AREL1: variants seen among roughly 807,000 people sequenced by gnomAD.
AREL1 encodes the protein apoptosis-resistant E3 ubiquitin protein ligase 1.
A neutral mutation model predicts 99.0 loss-of-function variants in AREL1; 62 were observed. The observed-to-expected ratio is 0.63, with a 90% CI of 0.51 to 0.77. The LOEUF (loss-of-function observed/expected upper bound fraction) is 0.77, where lower values mean the gene tolerates loss of function less well. AREL1 is among the 30% of genes least tolerant of loss of function. The pLI, the probability that AREL1 is intolerant of heterozygous loss-of-function variation, is 0.00. For missense variants in AREL1, 879 were observed against 1,027.6 expected (o/e 0.86, Z 1.98); for synonymous variants, 380 against 376.5 (o/e 1.01, Z -0.11).
At chr14:74,677,500 C>CTT (rs58383006) in intron 5 of AREL1, among the ~76,000 whole-genome samples, 201 of 63,140 alleles carry the variant, frequency 3.2e-3, no homozygotes, top group East Asian at 5.0e-3. Context: ...TGTCTCTCTC[C>CTT]TTTTTTTTTT....
chr14:74,693,951 C>CG (rs2089931950), intron 1 of AREL1, among the ~76,000 whole-genome samples: 1 of 152,130 alleles, frequency 6.6e-6, no homozygotes, highest in Non-Finnish European at 1.5e-5. Context: ...CCAAGGCAGG[C>CG]GGATCACTTG....
intron 8 of AREL1, among the ~76,000 whole-genome samples, chr14:74,674,858 A>C (rs2089435861): frequency 6.6e-6 from 1 of 152,190 alleles, no homozygotes; most frequent in African/African-American, 2.4e-5. Context: ...AATGGTGCCA[A>C]GGATCTGCCA....
intron 1 of AREL1, among the ~76,000 whole-genome samples, chr14:74,707,536 C>T (rs978101066): frequency 1.8e-4 from 28 of 152,110 alleles, no homozygotes; most frequent in Non-Finnish European, 3.5e-4. Flanking sequence ...TGGCTCACAC[C>T]TGTAATCCCA....
intron 5 of AREL1, among the ~76,000 whole-genome samples, chr14:74,680,312 T>C (rs1456473210): frequency 6.6e-6 from 1 of 152,186 alleles, no homozygotes; most frequent in Non-Finnish European, 1.5e-5. Flanking sequence ...AGATGTTCAA[T>C]AGCATTAACT....
chr14:74,702,167 C>T (rs1452780627), intron 1 of AREL1, among the ~76,000 whole-genome samples: 1 of 152,212 alleles, frequency 6.6e-6, no homozygotes. Flanking sequence ...TCTCACAGCT[C>T]CACTAGACAG....
intron 6 of AREL1, 119 bp from the exon 7 acceptor site, chr14:74,676,440 G>T: frequency 7.0e-7 from 1 of 1,423,522 alleles, no homozygotes; most frequent in South Asian, 1.4e-5. Flanking sequence ...AATTACTAAT[G>T]AGACAGGTAT....
At position 74,674,062 on chromosome 14, in the gene AREL1, T is replaced by C; in HGVS notation, c.1130A>G (p.Tyr377Cys). The C allele has an allele frequency of 6.2e-7, 1 of 1,613,770 alleles. No individual in the cohort carries two copies. Among genetic ancestry groups the C allele is most frequent in the African/African-American group, 1.3e-5 (1 of 75,004 alleles). ...TGTTCCTGGACACACTCGGAAGGTG[T>C]AAAGGCGCCAGGGGATGATCTTCAG... ...FYLKIIPWRL[Y>C]TFRVCPGTKF... The change falls in exon 9 of 20, where the codon TAC becomes TGC. Residue 377 changes from tyrosine to cysteine, a missense_variant. Transcript: ENST00000356357.
At chr14:74,704,036 G>T (rs1226028329) in intron 1 of AREL1, among the ~76,000 whole-genome samples, 1 of 152,008 alleles carries the variant, frequency 6.6e-6, no homozygotes, top group East Asian at 1.9e-4. Context: ...GGTGTGAAGT[G>T]GTATCTCACT....
In AREL1 at chr14:74,684,505, C is replaced by A. The variant is rs2089703843; in HGVS notation, c.192G>T (p.Trp64Cys). The A allele has an allele frequency of 6.2e-7, 1 of 1,614,124 alleles. No homozygotes were observed. The highest frequency in any genetic ancestry group is 1.3e-5 in the African/African-American group (1 of 75,008). Residue 64 changes from tryptophan (W) to cysteine (C), a missense_variant, in exon 4 of 20, where the codon TGG (tryptophan) becomes TGT (cysteine). By Grantham distance (215) the Trp-to-Cys change is radical. Coordinates refer to ENST00000356357, the MANE Select transcript of AREL1 (RefSeq NM_001039479.2). ...YLDPRSCKVS[W>C]DWKDPYEVGH... The stretch of plus-strand genomic sequence containing the variant: ...CCACCTCATAGGGGTCCTTCCAATC[C>A]CAGGAGACTTTGCAAGACCGGGGAT...
intron 1 of AREL1, among the ~76,000 whole-genome samples, chr14:74,711,357 T>C (rs143563102): frequency 1.3e-5 from 2 of 151,430 alleles, no homozygotes; most frequent in Non-Finnish European, 2.9e-5. Flanking sequence ...CTTGCCAACA[T>C]GGTGAAACCC....
At chr14:74,707,417 C>T (rs1227481940) in intron 1 of AREL1, among the ~76,000 whole-genome samples, 1 of 151,598 alleles carries the variant, frequency 6.6e-6, no homozygotes, top group African/African-American at 2.4e-5. Context: ...AATCCCAGCA[C>T]TTTGGGAGGC....
chr14:74,668,180 T>C (rs967193727), intron 15 of AREL1, among the ~76,000 whole-genome samples: 3 of 152,356 alleles, frequency 2.0e-5, no homozygotes, highest in African/African-American at 7.2e-5. Context: ...GGCCTGAACT[T>C]TCCTCTCTGC....
chr14:74,668,876 A>G lies in AREL1; in HGVS notation c.1914+773T>C, dbSNP rs78333727. Among the ~76,000 whole-genome samples, 1,117 of 152,236 alleles carry G rather than the reference A, an allele frequency of 7.3e-3. 13 individuals carry two copies. Among genetic ancestry groups the G allele is most frequent in the African/African-American group, 0.024 (1,015 of 41,550 alleles). Reference sequence around the variant, plus strand: ...TCTGGGCCATCATTTTCTAATAAAAAGTTTTGGTTTTATTATTTTGAGATA... The same window carrying G: ...TCTGGGCCATCATTTTCTAATAAAAGGTTTTGGTTTTATTATTTTGAGATA... On this transcript the variant is annotated intron_variant, in intron 15 of 19. Coordinates refer to ENST00000356357, the MANE Select transcript of AREL1 (RefSeq NM_001039479.2).
intron 1 of AREL1, among the ~76,000 whole-genome samples, chr14:74,694,124 G>A (rs1325905398): frequency 2.6e-5 from 4 of 152,194 alleles, no homozygotes; most frequent in Middle Eastern, 3.4e-3. Flanking sequence ...GACGTGAGCC[G>A]AGATCATGCC....
At chr14:74,675,613 CTG>C (rs1265684768) in intron 8 of AREL1, 84 bp downstream of exon 8, 1 of 1,517,014 alleles carries the variant, frequency 6.6e-7, no homozygotes, top group East Asian at 2.3e-5. Context: ...GATTCTCAGA[CTG>C]TTACTTTGTG....
At chr14:74,683,582 C>A (rs2089682787) in intron 4 of AREL1, 49 bp from the exon 5 acceptor site, 1 of 1,565,136 alleles carries the variant, frequency 6.4e-7, no homozygotes, top group South Asian at 1.1e-5. Flanking sequence ...AGGAAAAAAA[C>A]ATTTCCTGTG....
At position 74,661,759 on chromosome 14, in the gene AREL1, C is replaced by T; in HGVS notation, c.*1961G>A. 1 of 154,612 alleles carries T rather than the reference C, an allele frequency of 6.5e-6. No individual in the cohort carries two copies. Among genetic ancestry groups the T allele is most frequent in the Non-Finnish European group, 1.4e-5 (1 of 69,732 alleles). The allele number at this position is 154,612 out of a possible 1,614,324, so 9.6% of individuals were successfully genotyped here. ...AGGACCACCACAGGGATGCAGCTTCCCTGGTTGGGTTGCAATGGTGCCTAA... is the reference window on the plus strand; with the variant it reads ...AGGACCACCACAGGGATGCAGCTTCTCTGGTTGGGTTGCAATGGTGCCTAA... On this transcript the variant is annotated 3_prime_UTR_variant, in exon 20 of 20. Transcript: ENST00000356357.
intron 1 of AREL1, among the ~76,000 whole-genome samples, chr14:74,704,699 C>T (rs1000459722): frequency 5.3e-5 from 8 of 152,078 alleles, no homozygotes; most frequent in East Asian, 3.9e-4. Flanking sequence ...TTTTCTGTGG[C>T]TTGCCTCTTC....
chr14:74,666,718 ATTTTT>A (rs71449202), intron 17 of AREL1, among the ~76,000 whole-genome samples: 1 of 132,002 alleles, frequency 7.6e-6, no homozygotes, highest in Non-Finnish European at 1.6e-5. Flanking sequence ...CTACTCATTG[ATTTTT>A]TTTTTTTTTT....
Sources: allele counts gnomAD v4.1 joint callset (sites outside exome capture counted in the v4.1 genomes callset), GRCh38; gene constraint gnomAD v4.1.1; transcripts MANE v1.5; gene names NCBI Gene and HGNC (gene_info 2026-07-23, HGNC 2026-07-21).